ADAM23: variants seen among roughly 807,000 people sequenced by gnomAD.
ADAM23 encodes disintegrin and metalloproteinase domain-containing protein 23.
A neutral mutation model predicts 120.1 loss-of-function variants in ADAM23; 33 were observed. The ratio of observed to expected loss-of-function variants is 0.27; its 90% CI spans 0.21 to 0.37. The LOEUF is 0.37. ADAM23 is among the 10% of genes least tolerant of loss of function. The pLI is 1.00. For missense variants in ADAM23, 862 were observed against 1,058.2 expected (o/e 0.81, Z 2.57); for synonymous variants, 367 against 375.2 (o/e 0.98, Z 0.25).
chr2:206,612,564 A>C (rs1034491361), intron 25 of ADAM23, among the ~76,000 whole-genome samples: 3 of 152,224 alleles, frequency 2.0e-5, no homozygotes, highest in South Asian at 2.1e-4. Context: ...TTAAAGGAAA[A>C]TACAGTAACT....
intron 2 of ADAM23, among the ~76,000 whole-genome samples, chr2:206,455,157 C>T (rs1006156727): frequency 6.6e-6 from 1 of 152,250 alleles, no homozygotes; most frequent in African/African-American, 2.4e-5. Context: ...TTCGTACATC[C>T]TCTGAAATCT....
At chr2:206,524,995 C>T (rs1029645431) in intron 3 of ADAM23, among the ~76,000 whole-genome samples, 2 of 152,122 alleles carry the variant, frequency 1.3e-5, no homozygotes, top group Admixed American at 6.5e-5. Flanking sequence ...GATGTGTATA[C>T]CTTAAATTTG....
intron 24 of ADAM23, among the ~76,000 whole-genome samples, chr2:206,609,513 A>G (rs1698789136): frequency 1.3e-5 from 2 of 152,144 alleles, no homozygotes; most frequent in Non-Finnish European, 2.9e-5. Flanking sequence ...CCTTTCCTCC[A>G]TGCCCCCATT....
chr2:206,599,361 A>C (rs146350133), intron 24 of ADAM23, among the ~76,000 whole-genome samples: 32 of 152,304 alleles, frequency 2.1e-4, no homozygotes, highest in African/African-American at 7.5e-4. Flanking sequence ...ATTTTGATTA[A>C]ATTGAAAATG....
At chr2:206,586,472 G>A (rs1412745918) in intron 18 of ADAM23, among the ~76,000 whole-genome samples, 1 of 151,986 alleles carries the variant, frequency 6.6e-6, no homozygotes, top group East Asian at 1.9e-4. Context: ...TGAGAGAGGA[G>A]GGGAATAGAA....
At chr2:206,457,688 T>C (rs1360688186) in intron 2 of ADAM23, among the ~76,000 whole-genome samples, 2 of 152,240 alleles carry the variant, frequency 1.3e-5, no homozygotes, top group African/African-American at 4.8e-5. Context: ...TTCACTTTCC[T>C]CTAGCAGTTT....
intron 2 of ADAM23, among the ~76,000 whole-genome samples, chr2:206,470,120 C>T (rs1370529805): frequency 6.6e-6 from 1 of 152,044 alleles, no homozygotes; most frequent in Non-Finnish European, 1.5e-5. Context: ...GCCAGGGCTT[C>T]TGCTTGAAAT....
At chr2:206,557,334 C>T in intron 9 of ADAM23, 93 bp from the exon 10 acceptor site, 1 of 1,002,976 alleles carries the variant, frequency 1.0e-6, no homozygotes, top group Non-Finnish European at 1.6e-6. Context: ...ATCCATATTT[C>T]TACTATTACT....
At chr2:206,528,251 T>C (rs1326841905) in intron 3 of ADAM23, among the ~76,000 whole-genome samples, 1 of 152,222 alleles carries the variant, frequency 6.6e-6, no homozygotes, top group East Asian at 1.9e-4. Context: ...GCTTCATCTA[T>C]GTATATCATA....
chr2:206,470,587 A>G (rs779328156), intron 2 of ADAM23, among the ~76,000 whole-genome samples: 3 of 152,210 alleles, frequency 2.0e-5, no homozygotes, highest in Non-Finnish European at 2.9e-5. Context: ...AAATTGTGAA[A>G]CAGGACAGTT....
At chr2:206,516,780 A>G (rs1195425792) in intron 3 of ADAM23, among the ~76,000 whole-genome samples, 1 of 152,128 alleles carries the variant, frequency 6.6e-6, no homozygotes, top group Non-Finnish European at 1.5e-5. Context: ...TGTCACTGAA[A>G]TTAGAACTAG....
At chr2:206,546,850 A>G (rs940596952) in intron 6 of ADAM23, among the ~76,000 whole-genome samples, 23 of 152,180 alleles carry the variant, frequency 1.5e-4, no homozygotes, top group Admixed American at 1.2e-3. Flanking sequence ...ATGGAAGCTA[A>G]TAGGAATAAG....
In ADAM23 at chr2:206,567,293, G is replaced by A. The variant is rs1343752353; in HGVS notation, c.1465G>A (p.Gly489Arg). The change falls in exon 15 of 26, where the codon GGA (glycine) becomes AGA (arginine). Residue 489 changes from glycine to arginine, a missense_variant. By Grantham distance (125) the Gly-to-Arg change is moderately radical. Transcript: ENST00000264377. ...EYRDFLQRGG[G>R]ACLFNRPTKL... is the part of the protein sequence containing the mutation. ...TAGAGACTTTTTACAGAGAGGAGGT[G>A]GAGCCTGCCTTTTCAACAGGCCAAC... The A allele has an allele frequency of 6.2e-7, 1 of 1,613,874 alleles. No individual in the cohort carries two copies. Among genetic ancestry groups the A allele is most frequent in the Middle Eastern group, 1.6e-4 (1 of 6,062 alleles).
At position 206,571,866 on chromosome 2, in the gene ADAM23, A is replaced by G. The variant is rs761417202; in HGVS notation, c.1656+50A>G. The G allele has an allele frequency of 5.9e-6, 9 of 1,513,270 alleles. No individual in the cohort carries two copies. In the East Asian group the frequency reaches 1.6e-4, roughly 27 times the overall value. 93.7% of individuals were successfully genotyped at this position (1,513,270 alleles called of 1,614,324 possible). ...TTCTTTTAATTGACAGATTAGCCAG[A>G]TATCTCAGTGTGTACACTGAGCATT... On this transcript the variant is annotated intron_variant, in intron 17 of 25. Coordinates refer to ENST00000264377, the MANE Select transcript of ADAM23 (RefSeq NM_003812.4).
chr2:206,502,036 A>G (rs751937751), intron 3 of ADAM23, among the ~76,000 whole-genome samples: 1 of 152,154 alleles, frequency 6.6e-6, no homozygotes, highest in Non-Finnish European at 1.5e-5. Flanking sequence ...ATCTGGTTGC[A>G]TTGGGAAGAA....
At chr2:206,570,131 A>T (rs78489689) in intron 15 of ADAM23, among the ~76,000 whole-genome samples, 7,921 of 152,262 alleles carry the variant, frequency 0.052, 353 homozygotes, top group East Asian at 0.18. Context: ...TCTAGAAATT[A>T]TACTCTTCTA....
At position 206,597,016 on chromosome 2, in the gene ADAM23, G is replaced by A. The variant is rs530330927; in HGVS notation, c.2359+854G>A. Among the ~76,000 whole-genome samples, 140 of 143,376 alleles carry A rather than the reference G, an allele frequency of 9.8e-4. 1 individual carries two copies. Among genetic ancestry groups the A allele is most frequent in the African/African-American group, 3.5e-3 (136 of 38,548 alleles). 94.1% of individuals were successfully genotyped at this position (143,376 alleles called of 152,430 possible). On this transcript the variant is annotated intron_variant, in intron 24 of 25. Coordinates refer to ENST00000264377, the MANE Select transcript of ADAM23 (RefSeq NM_003812.4). The stretch of plus-strand genomic sequence containing the variant: ...TCAAACTGCAAGGCCCAAGAATCCT[G>A]CCACCATGCCTGGCTAATTTTTTAT...
intron 24 of ADAM23, among the ~76,000 whole-genome samples, chr2:206,603,198 C>A (rs888385313): frequency 6.6e-6 from 1 of 151,776 alleles, no homozygotes; most frequent in African/African-American, 2.4e-5. Context: ...GAATTTTTTT[C>A]AATGAGATGA....
intron 3 of ADAM23, among the ~76,000 whole-genome samples, chr2:206,502,576 G>A (rs1342831884): frequency 3.3e-5 from 5 of 152,000 alleles, no homozygotes; most frequent in Non-Finnish European, 7.4e-5. Flanking sequence ...GGTACAGAGG[G>A]CTGTTGTTAA....
Sources: allele counts gnomAD v4.1 joint callset (sites outside exome capture counted in the v4.1 genomes callset), GRCh38; gene constraint gnomAD v4.1.1; transcripts MANE v1.5; gene names NCBI Gene and HGNC (gene_info 2026-07-23, HGNC 2026-07-21).